The following NELL1 variants were observed in gnomAD, a reference collection of about 807,000 sequenced individuals.
NELL1 encodes protein kinase C-binding protein NELL1.
A neutral mutation model predicts 107.4 loss-of-function variants in NELL1; 76 were observed. The observed-to-expected ratio is 0.71, with a 90% CI of 0.59 to 0.86. The LOEUF (loss-of-function observed/expected upper bound fraction) is 0.86. Among genes scored for constraint, NELL1 ranks in the 40% least tolerant of loss-of-function variants. NELL1 has a pLI of 0.00. For synonymous variants in NELL1, 353 were observed against 341.2 expected (o/e 1.03, Z -0.38); for missense variants, 1,024 against 1,005.5 (o/e 1.02, Z -0.25).
rs114505602 is a variant in NELL1 at position 21,069,933 on chromosome 11, A to G, written c.1301-43656A>G. Among the ~76,000 whole-genome samples, 827 of 152,334 alleles carry G rather than the reference A, an allele frequency of 5.4e-3. 6 individuals carry two copies. The highest frequency in any genetic ancestry group is 0.019 in the African/African-American group (794 of 41,576). On this transcript the variant is annotated intron_variant, in intron 12 of 19. Transcript: ENST00000357134. Reference sequence around the variant, plus strand: ...TGTGTGGACACAATGTCCAACACACAGTAAGTGCGCTATAAATCCTTACTT... The same window carrying G: ...TGTGTGGACACAATGTCCAACACACGGTAAGTGCGCTATAAATCCTTACTT...
chr11:21,059,291 T>C (rs983161345), intron 12 of NELL1, among the ~76,000 whole-genome samples: 1 of 151,464 alleles, frequency 6.6e-6, no homozygotes, highest in African/African-American at 2.4e-5. Context: ...AATTTGTATC[T>C]GCAGATAAAA....
chr11:21,172,362 T>C (rs143213311), intron 13 of NELL1, among the ~76,000 whole-genome samples: 2 of 151,908 alleles, frequency 1.3e-5, no homozygotes, highest in Non-Finnish European at 2.9e-5. Context: ...GCCTGTGGGT[T>C]GGTTGGGTTT....
intron 2 of NELL1, among the ~76,000 whole-genome samples, chr11:20,705,191 G>T (rs1590219733): frequency 6.6e-6 from 1 of 152,230 alleles, no homozygotes; most frequent in East Asian, 1.9e-4. Context: ...CCAAAAAAGA[G>T]CCCACATTGC....
At chr11:21,151,028 T>C (rs1856103170) in intron 13 of NELL1, among the ~76,000 whole-genome samples, 1 of 152,124 alleles carries the variant, frequency 6.6e-6, no homozygotes, top group Non-Finnish European at 1.5e-5. Flanking sequence ...CTCACTATCA[T>C]GAAATCAGCA....
intron 15 of NELL1, among the ~76,000 whole-genome samples, chr11:21,490,136 A>G (rs530958236): frequency 6.6e-6 from 1 of 152,234 alleles, no homozygotes; most frequent in South Asian, 2.1e-4. Context: ...TAGCATTTCT[A>G]TACAACAATG....
chr11:20,908,808 C>A (rs537402269), intron 5 of NELL1, among the ~76,000 whole-genome samples: 30 of 152,214 alleles, frequency 2.0e-4, no homozygotes, highest in African/African-American at 7.2e-4. Flanking sequence ...ACATGTAATC[C>A]AGCAATTCCT....
chr11:21,553,271 A>G (rs1275243655), intron 16 of NELL1, among the ~76,000 whole-genome samples: 1 of 151,796 alleles, frequency 6.6e-6, no homozygotes, highest in Non-Finnish European at 1.5e-5. Flanking sequence ...GTCACCGAGG[A>G]TTACATTGCC....
chr11:21,017,541 A>C (rs999661743), intron 12 of NELL1, among the ~76,000 whole-genome samples: 9 of 152,014 alleles, frequency 5.9e-5, no homozygotes, highest in African/African-American at 1.9e-4. Flanking sequence ...GAGTGGTGCA[A>C]TGTTCTCATC....
chr11:20,880,234 A>C (rs558524176), intron 4 of NELL1, among the ~76,000 whole-genome samples: 9 of 152,344 alleles, frequency 5.9e-5, no homozygotes, highest in Admixed American at 1.3e-4. Flanking sequence ...TAAGCATCTA[A>C]GATATTGAGA....
intron 12 of NELL1, among the ~76,000 whole-genome samples, chr11:21,005,198 C>T (rs1852303785): frequency 6.6e-6 from 1 of 152,150 alleles, no homozygotes; most frequent in Non-Finnish European, 1.5e-5. Context: ...TGATGATTTT[C>T]CACAATATGG....
intron 12 of NELL1, among the ~76,000 whole-genome samples, chr11:21,093,536 C>T (rs1331651361): frequency 1.3e-5 from 2 of 152,142 alleles, no homozygotes; most frequent in South Asian, 2.1e-4. Flanking sequence ...ATACAGCCAT[C>T]TCTGTTACTG....
chr11:21,213,090 C>T (rs191751630), intron 13 of NELL1, among the ~76,000 whole-genome samples: 27 of 152,174 alleles, frequency 1.8e-4, no homozygotes, highest in Non-Finnish European at 2.2e-4. Context: ...GAATTAAGCA[C>T]CTACTATCAT....
At chr11:20,788,171 T>C (rs4343022) in intron 3 of NELL1, among the ~76,000 whole-genome samples, 2,679 of 152,338 alleles carry the variant, frequency 0.018, 29 homozygotes, top group South Asian at 0.032. Flanking sequence ...TATGAACATT[T>C]ATGTACAAGC....
chr11:20,904,584 G>A (rs1590400019), intron 5 of NELL1, among the ~76,000 whole-genome samples: 1 of 152,074 alleles, frequency 6.6e-6, no homozygotes, highest in Non-Finnish European at 1.5e-5. Context: ...TGTGTTCAAG[G>A]AATTTAGAAA....
chr11:20,890,375 CTG>C (rs1849593863), intron 5 of NELL1, among the ~76,000 whole-genome samples: 1 of 152,132 alleles, frequency 6.6e-6, no homozygotes, highest in Admixed American at 6.5e-5. Context: ...GCCTCAAAGA[CTG>C]AAACTAGACA....
chr11:21,062,049 A>G lies in NELL1; in HGVS notation c.1301-51540A>G, dbSNP rs147296195. Among the ~76,000 whole-genome samples, 12 of 152,262 alleles carry G rather than the reference A, an allele frequency of 7.9e-5. No homozygotes were observed. The East Asian group carries it at 2.1e-3, about 27-fold the overall frequency. ...TGGTTGGTCTATTTTTCCCCAAGGT[A>G]GTTTCAAATGTTTAGAACTATGCAT... On this transcript the variant is annotated intron_variant, in intron 12 of 19. Coordinates refer to ENST00000357134, the MANE Select transcript of NELL1 (RefSeq NM_006157.5).
intron 16 of NELL1, among the ~76,000 whole-genome samples, chr11:21,553,825 A>G (rs1194120634): frequency 6.6e-6 from 1 of 151,898 alleles, no homozygotes; most frequent in African/African-American, 2.4e-5. Flanking sequence ...GAAAACATAA[A>G]GCCAACATAG....
chr11:21,416,239 G>T (rs917174300), intron 15 of NELL1, among the ~76,000 whole-genome samples: 29 of 152,046 alleles, frequency 1.9e-4, no homozygotes, highest in Non-Finnish European at 4.4e-5. Flanking sequence ...TTTAAGAAAA[G>T]ACAGAGTTTT....
intron 12 of NELL1, among the ~76,000 whole-genome samples, chr11:21,051,597 A>G (rs1467971358): frequency 6.6e-6 from 1 of 152,152 alleles, no homozygotes; most frequent in Non-Finnish European, 1.5e-5. Context: ...CAGTGGTTGG[A>G]TTGTTATTAG....
Sources: gnomAD v4.1 joint callset for allele counts (sites outside exome capture counted in the v4.1 genomes callset) on GRCh38, gnomAD v4.1.1 for gene constraint, MANE v1.5 for transcripts, NCBI Gene and HGNC (gene_info 2026-07-23, HGNC 2026-07-21) for gene names.